The following TTC27 variants were observed in gnomAD, a reference collection of about 807,000 sequenced individuals.
TTC27 encodes tetratricopeptide repeat protein 27.
Under a neutral mutation model 115.9 loss-of-function variants are expected in TTC27, and 79 were observed. The ratio of observed to expected loss-of-function variants is 0.68; its 90% CI spans 0.57 to 0.82. The LOEUF is 0.82. Ranked by LOEUF, TTC27 falls within the 40% of genes least tolerant of loss-of-function variation. TTC27 has a pLI of 0.00. For missense variants in TTC27, 1,054 were observed against 993.1 expected (o/e 1.06, Z -0.82); for synonymous variants, 401 against 356.0 (o/e 1.13, Z -1.42).
At chr2:32,641,695 C>T (rs1295989107) in intron 4 of TTC27, among the ~76,000 whole-genome samples, 66 of 149,928 alleles carry the variant, frequency 4.4e-4, no homozygotes, top group East Asian at 1.8e-3. Flanking sequence ...TTTTTTTTTT[C>T]GAGATGGAGT....
At position 32,680,104 on chromosome 2, in the gene TTC27, C is replaced by T. The variant is rs772360692; in HGVS notation, c.1119+1182C>T. ...TGTTTGAACTGGTTAGGTGTTAAGT[C>T]GTTTGAGTCCTCTGGTTGTGTGTTT... On this transcript the variant is annotated intron_variant, in intron 9 of 19. Transcript: ENST00000317907. 1.2e-4 allele frequency among the ~76,000 whole-genome samples: 19 copies of T among 152,222 alleles called. 1 individual carries two copies. The highest frequency in any genetic ancestry group is 1.2e-3 in the South Asian group (6 of 4,818).
At position 32,630,645 on chromosome 2, in the gene TTC27, G is replaced by T. The variant is rs747103275; in HGVS notation, c.211G>T (p.Glu71Ter). The T allele has an allele frequency of 6.2e-6, 10 of 1,613,656 alleles. No homozygotes were observed. The highest frequency in any genetic ancestry group is 1.1e-5 in the South Asian group (1 of 90,998). ...TGAAGAAAAGATTGATAGCTACCTG[G>T]AGAAGCAGGTAGTAACATTCCTGGA... ...TAEEKIDSYL[E>*]KQVVTFLDYS... Residue 71 changes from glutamate (E) to a stop codon, truncating the protein, a stop_gained, in exon 2 of 20, where the codon GAG becomes TAG. Coordinates refer to ENST00000317907, the MANE Select transcript of TTC27 (RefSeq NM_017735.5). LOFTEE classifies it high-confidence loss of function.
intron 16 of TTC27, among the ~76,000 whole-genome samples, chr2:32,800,319 C>A (rs1433129006): frequency 1.3e-5 from 2 of 151,842 alleles, no homozygotes. Flanking sequence ...TCTTGAGTAG[C>A]TGGCCAGGCA....
At chr2:32,742,906 AT>A (rs1396202403) in intron 12 of TTC27, among the ~76,000 whole-genome samples, 2 of 151,998 alleles carry the variant, frequency 1.3e-5, no homozygotes, top group Non-Finnish European at 2.9e-5. Flanking sequence ...CTTTTTAAAA[AT>A]TTTTTTTAAT....
intron 10 of TTC27, among the ~76,000 whole-genome samples, chr2:32,727,930 A>C (rs1413361747): frequency 6.6e-6 from 1 of 151,908 alleles, no homozygotes; most frequent in East Asian, 1.9e-4. Flanking sequence ...AATTTATAAG[A>C]GTTTAAAGGG....
chr2:32,635,684 A>AAAAAAAG lies in TTC27; in HGVS notation c.396+1692_396+1698dup, dbSNP rs778776147. 1.7e-3 allele frequency among the ~76,000 whole-genome samples: 256 copies of AAAAAAAG among 152,156 alleles called. 1 individual carries two copies. The highest frequency in any genetic ancestry group is 3.0e-3 in the Non-Finnish European group (206 of 68,002). On this transcript the variant is annotated intron_variant, in intron 3 of 19. Transcript: ENST00000317907. ...GGGTGACAGAGTGAGACTCCATTTC[A>AAAAAAAG]AAAAAAGAAAAAAGAAAAAGAATTG...
chr2:32,663,740 A>G (rs1665649828), intron 5 of TTC27, among the ~76,000 whole-genome samples: 1 of 152,014 alleles, frequency 6.6e-6, no homozygotes, highest in Non-Finnish European at 1.5e-5. Context: ...GCTGGAGTGC[A>G]GTGGTGCGAT....
chr2:32,778,992 G>C (rs1394508000), intron 14 of TTC27, among the ~76,000 whole-genome samples: 1 of 152,210 alleles, frequency 6.6e-6, no homozygotes. Context: ...GGGAGGCCAA[G>C]GCCGGTGGAT....
At chr2:32,720,158 G>T (rs1250129026) in intron 10 of TTC27, among the ~76,000 whole-genome samples, 2 of 152,076 alleles carry the variant, frequency 1.3e-5, no homozygotes, top group Non-Finnish European at 2.9e-5. Context: ...GACTGTATGT[G>T]TATGGTTTAT....
intron 16 of TTC27, among the ~76,000 whole-genome samples, chr2:32,788,354 C>T (rs6746686): frequency 0.12 from 18,036 of 152,090 alleles, 1,229 homozygotes; most frequent in Middle Eastern, 0.24. Flanking sequence ...CTTAGAAGTC[C>T]TCTAGGGCCA....
At chr2:32,714,805 T>G (rs1667701990) in intron 10 of TTC27, among the ~76,000 whole-genome samples, 1 of 152,174 alleles carries the variant, frequency 6.6e-6, no homozygotes, top group African/African-American at 2.4e-5. Context: ...GGTATCTCAT[T>G]GTAGTTTTGA....
intron 4 of TTC27, among the ~76,000 whole-genome samples, chr2:32,644,509 CT>C (rs1380381711): frequency 6.6e-6 from 1 of 152,092 alleles, no homozygotes; most frequent in Non-Finnish European, 1.5e-5. Flanking sequence ...CTGTAAACAA[CT>C]TTTGACTTCT....
At chr2:32,671,410 G>C (rs1464578829) in intron 7 of TTC27, among the ~76,000 whole-genome samples, 2 of 151,852 alleles carry the variant, frequency 1.3e-5, no homozygotes, top group African/African-American at 4.8e-5. Context: ...CTGGCCTCAA[G>C]CTTCCTCCCA....
intron 4 of TTC27, among the ~76,000 whole-genome samples, chr2:32,641,267 G>C (rs773138761): frequency 2.6e-5 from 4 of 152,192 alleles, no homozygotes; most frequent in Non-Finnish European, 4.4e-5. Context: ...TGGAGGTTTA[G>C]TGGAGGTTGT....
chr2:32,781,274 T>G (rs1670166815), intron 14 of TTC27, among the ~76,000 whole-genome samples: 1 of 152,232 alleles, frequency 6.6e-6, no homozygotes, highest in African/African-American at 2.4e-5. Context: ...TATGTTCATG[T>G]TTTCCTTTAA....
intron 15 of TTC27, among the ~76,000 whole-genome samples, chr2:32,784,109 C>T (rs754239160): frequency 4.6e-5 from 7 of 152,184 alleles, no homozygotes; most frequent in Non-Finnish European, 1.0e-4. Flanking sequence ...TCGGAAGTCC[C>T]TGTCATAGTT....
At chr2:32,711,956 A>G (rs1330606979) in intron 10 of TTC27, among the ~76,000 whole-genome samples, 1 of 151,946 alleles carries the variant, frequency 6.6e-6, no homozygotes, top group South Asian at 2.1e-4. Flanking sequence ...AAAAAAAAAG[A>G]CTTAAGGAAA....
chr2:32,795,476 T>G (rs1001137432), intron 16 of TTC27, among the ~76,000 whole-genome samples: 2 of 151,814 alleles, frequency 1.3e-5, no homozygotes, highest in Admixed American at 6.6e-5. Flanking sequence ...AAGCCAGGTA[T>G]GAAAAACCCA....
At chr2:32,711,116 C>CAAAAAAAAAAA (rs34140897) in intron 10 of TTC27, among the ~76,000 whole-genome samples, 2 of 59,932 alleles carry the variant, frequency 3.3e-5, no homozygotes, top group Non-Finnish European at 6.5e-5. Flanking sequence ...GACTCTGTCT[C>CAAAAAAAAAAA]AAAAAAAAAA....
Sources: gnomAD v4.1 joint callset for allele counts (sites outside exome capture counted in the v4.1 genomes callset) on GRCh38, gnomAD v4.1.1 for gene constraint, MANE v1.5 for transcripts, NCBI Gene and HGNC (gene_info 2026-07-23, HGNC 2026-07-21) for gene names.